Variants in XKR4 observed in about 807,000 individuals in gnomAD.
The protein encoded by XKR4 is XK related 4, also known as XK-related protein 4.
XKR4 carries 12 observed loss-of-function variants against 53.9 expected under a neutral mutation model. The observed-to-expected ratio is 0.22, with a 90% confidence interval of 0.14 to 0.36. The LOEUF is 0.36. XKR4 is among the 10% of genes least tolerant of loss of function. The probability of loss-of-function intolerance (pLI) is 1.00; values close to 1 mark genes in which losing one functional copy is unlikely to be tolerated. For synonymous variants in XKR4, 354 were observed against 362.4 expected (o/e 0.98, Z 0.26); for missense variants, 799 against 859.5 (o/e 0.93, Z 0.88).
At chr8:55,388,969 C>T (rs2129388386) in intron 2 of XKR4, among the ~76,000 whole-genome samples, 1 of 152,278 alleles carries the variant, frequency 6.6e-6, no homozygotes, top group East Asian at 1.9e-4. Context: ...AAATAGGTTC[C>T]TTGCAGATAT....
chr8:55,437,800 C>A (rs2129394394), intron 2 of XKR4, among the ~76,000 whole-genome samples: 1 of 152,142 alleles, frequency 6.6e-6, no homozygotes, highest in East Asian at 1.9e-4. Flanking sequence ...TAAGAAATTT[C>A]TAAAAGGAAA....
intron 2 of XKR4, among the ~76,000 whole-genome samples, chr8:55,445,780 A>G (rs1186924229): frequency 6.6e-6 from 1 of 152,190 alleles, no homozygotes; most frequent in Non-Finnish European, 1.5e-5. Context: ...AGAATGAGAA[A>G]AACAATTGTA....
At chr8:55,350,732 T>C (rs1422277205) in intron 1 of XKR4, among the ~76,000 whole-genome samples, 1 of 149,236 alleles carries the variant, frequency 6.7e-6, no homozygotes, top group Non-Finnish European at 1.5e-5. Flanking sequence ...CTTTTCTTTT[T>C]CTTTTCTTTT....
At chr8:55,203,980 A>G (rs1260507283) in intron 1 of XKR4, among the ~76,000 whole-genome samples, 1 of 152,072 alleles carries the variant, frequency 6.6e-6, no homozygotes, top group Non-Finnish European at 1.5e-5. Context: ...GTGAATCCAT[A>G]GTAGTTTTGG....
At chr8:55,377,029 C>A (rs1224252553) in intron 2 of XKR4, among the ~76,000 whole-genome samples, 1 of 151,952 alleles carries the variant, frequency 6.6e-6, no homozygotes, top group Non-Finnish European at 1.5e-5. Flanking sequence ...CAGGCACAGA[C>A]TTTCTCAAGC....
intron 2 of XKR4, among the ~76,000 whole-genome samples, chr8:55,438,363 A>C (rs1805209295): frequency 6.6e-6 from 1 of 152,078 alleles, no homozygotes; most frequent in Admixed American, 6.5e-5. Flanking sequence ...CGAGGCGGGC[A>C]GATCACAAGG....
intron 2 of XKR4, among the ~76,000 whole-genome samples, chr8:55,458,149 G>A (rs1014199567): frequency 9.9e-5 from 15 of 152,168 alleles, no homozygotes; most frequent in African/African-American, 3.6e-4. Flanking sequence ...AAATTATTTG[G>A]CAATGCAAAA....
chr8:55,259,146 C>T (rs186414415), intron 1 of XKR4, among the ~76,000 whole-genome samples: 2 of 152,324 alleles, frequency 1.3e-5, no homozygotes. Context: ...AGCACTGCTG[C>T]ACTGCAGATC....
intron 2 of XKR4, among the ~76,000 whole-genome samples, chr8:55,370,540 T>C (rs1039728083): frequency 3.3e-5 from 5 of 152,018 alleles, no homozygotes; most frequent in Non-Finnish European, 5.9e-5. Context: ...ATAAGGAGAG[T>C]AGACATAAGC....
At chr8:55,138,962 C>T (rs552381475) in intron 1 of XKR4, among the ~76,000 whole-genome samples, 4 of 152,222 alleles carry the variant, frequency 2.6e-5, no homozygotes, top group African/African-American at 9.6e-5. Context: ...ATTCAGTGAC[C>T]ACCCTTAAGT....
chr8:55,262,201 G>A (rs1818536444), intron 1 of XKR4, among the ~76,000 whole-genome samples: 1 of 152,148 alleles, frequency 6.6e-6, no homozygotes, highest in Admixed American at 6.5e-5. Flanking sequence ...AAGTATAATG[G>A]CTCTGACATT....
Position 55,443,530 on chromosome 8 carries a change from T to TAAAAAAAAAAA in XKR4, c.1007-79735_1007-79725dup, listed in dbSNP as rs751152509. ...TTTGTAGATTTATAATCAGTTACATTAAAAAAAAAAAAAAAAAAAAAAAAA... is the reference window on the plus strand; with the variant it reads ...TTTGTAGATTTATAATCAGTTACATTAAAAAAAAAAAAAAAAAAAAAAAAAAAAAAAAAAAA... On this transcript the variant is annotated intron_variant, in intron 2 of 2. Transcript: ENST00000327381. Among the ~76,000 whole-genome samples, 29 of 74,008 alleles carry TAAAAAAAAAAA rather than the reference T, an allele frequency of 3.9e-4. 1 individual carries two copies. The highest frequency in any genetic ancestry group is 1.3e-3 in the African/African-American group (21 of 15,948). The allele number at this position is 74,008 out of a possible 152,430, so 48.6% of individuals were successfully genotyped here. A position where few individuals can be genotyped will look rare whatever the true frequency, so the allele number is the denominator to read the frequency against.
At chr8:55,153,476 GA>G (rs1816865312) in intron 1 of XKR4, among the ~76,000 whole-genome samples, 1 of 152,132 alleles carries the variant, frequency 6.6e-6, no homozygotes, top group Non-Finnish European at 1.5e-5. Flanking sequence ...AAAAGAAGAG[GA>G]GGAAATTAGC....
At chr8:55,244,494 T>G (rs1365752522) in intron 1 of XKR4, among the ~76,000 whole-genome samples, 1 of 152,208 alleles carries the variant, frequency 6.6e-6, no homozygotes, top group South Asian at 2.1e-4. Context: ...TAATTCTATG[T>G]TTTTGCTATT....
chr8:55,117,461 C>T (rs1012742027), intron 1 of XKR4, among the ~76,000 whole-genome samples: 5 of 152,162 alleles, frequency 3.3e-5, no homozygotes, highest in Admixed American at 3.3e-4. Context: ...ACATGCTGTG[C>T]TTATTTGGTG....
chr8:55,369,054 TCCTG>T (rs1367039192), intron 2 of XKR4, among the ~76,000 whole-genome samples: 3 of 152,090 alleles, frequency 2.0e-5, no homozygotes, highest in Non-Finnish European at 2.9e-5. Context: ...TAAATCACCT[TCCTG>T]CCACTCAGAA....
intron 2 of XKR4, among the ~76,000 whole-genome samples, chr8:55,364,292 CT>C (rs976791263): frequency 3.9e-5 from 6 of 152,318 alleles, no homozygotes; most frequent in Middle Eastern, 3.4e-3. Context: ...ACGCGCGAGT[CT>C]TTGCTCAAAT....
rs1465794818 is a variant in XKR4, at chr8:55,541,883, G to C, written c.*17656G>C. 2 of 152,266 alleles carry C rather than the reference G, an allele frequency of 1.3e-5. No homozygotes were observed. Among genetic ancestry groups the C allele is most frequent in the East Asian group, 3.9e-4 (2 of 5,182 alleles). The allele number at this position is 152,266 out of a possible 1,614,324, so 9.4% of individuals were successfully genotyped here. A position where few individuals can be genotyped will look rare whatever the true frequency, so the allele number is the denominator to read the frequency against. ...CCCCAGTGCCCTAGTTTGAAGCACAGTGTGTGGAGTATTTGATGTACTACA... is the reference window on the plus strand; with the variant it reads ...CCCCAGTGCCCTAGTTTGAAGCACACTGTGTGGAGTATTTGATGTACTACA... On this transcript the variant is annotated 3_prime_UTR_variant, in exon 3 of 3. Coordinates refer to ENST00000327381, the MANE Select transcript of XKR4 (RefSeq NM_052898.2).
chr8:55,151,850 G>T (rs937466095), intron 1 of XKR4, among the ~76,000 whole-genome samples: 1 of 152,098 alleles, frequency 6.6e-6, no homozygotes, highest in Admixed American at 6.6e-5. Flanking sequence ...TCCAATGAGT[G>T]AATTCACCAA....
Sources: allele counts gnomAD v4.1 joint callset (sites outside exome capture counted in the v4.1 genomes callset), GRCh38; gene constraint gnomAD v4.1.1; transcripts MANE v1.5; gene names NCBI Gene and HGNC (gene_info 2026-07-23, HGNC 2026-07-21).